The following KLF3 variants were observed in gnomAD, a reference collection of about 807,000 sequenced individuals.
KLF3 encodes KLF transcription factor 3.
In KLF3, 6 loss-of-function variants were observed where a neutral mutation model predicts 32.7. The ratio of observed to expected loss-of-function variants is 0.18; its 90% CI spans 0.10 to 0.36. The LOEUF is 0.36. Among genes scored for constraint, KLF3 ranks in the 10% least tolerant of loss-of-function variants. The pLI, the probability that KLF3 is intolerant of heterozygous loss-of-function variation, is 1.00. For synonymous variants in KLF3, 145 were observed against 172.8 expected, an observed-to-expected ratio of 0.84 and a Z score of 1.26; for missense variants, 338 against 449.7, an observed-to-expected ratio of 0.75 and a Z score of 2.25.
At chr4:38,691,506 C>T (rs935995992) in intron 4 of KLF3, among the ~76,000 whole-genome samples, 3 of 152,108 alleles carry the variant, frequency 2.0e-5, no homozygotes, top group African/African-American at 7.2e-5. Flanking sequence ...GGGAGGGATC[C>T]GTTGACTGGA....
chr4:38,689,218 C>A, intron 3 of KLF3, 147 bp downstream of exon 3: 1 of 1,002,540 alleles, frequency 1.0e-6, no homozygotes, highest in Non-Finnish European at 1.4e-6. Flanking sequence ...CTTCCCCCGC[C>A]CCCCCAAAGT....
chr4:38,682,767 G>T (rs1183581694), intron 2 of KLF3, among the ~76,000 whole-genome samples: 3 of 152,176 alleles, frequency 2.0e-5, no homozygotes, highest in African/African-American at 7.2e-5. Context: ...TTGTAACGTA[G>T]TAATACATGA....
In KLF3 at chr4:38,698,583, A is replaced by G. The variant is rs1723116898; in HGVS notation, c.*1320A>G. ...AAAACCACAGATCAGGGATTCATAT[A>G]TGTAGCTCAAAAATTCCCAAAAGTT... is the stretch of plus-strand genomic sequence containing the variant. On this transcript the variant is annotated 3_prime_UTR_variant, in exon 6 of 6. Coordinates refer to ENST00000261438, the MANE Select transcript of KLF3 (RefSeq NM_016531.6). 1.3e-5 allele frequency: 2 copies of G among 152,616 alleles called. No individual in the cohort carries two copies. Among genetic ancestry groups the G allele is most frequent in the African/African-American group, 2.4e-5 (1 of 41,470 alleles). The allele number at this position is 152,616 out of a possible 1,614,324, so 9.5% of individuals were successfully genotyped here. A position where few individuals can be genotyped will look rare whatever the true frequency, so the allele number is the denominator to read the frequency against.
At position 38,688,854 on chromosome 4, in the gene KLF3, C is replaced by T; in HGVS notation, c.327C>T (p.Pro109=). 6.2e-7 allele frequency: 1 copy of T among 1,614,232 alleles called. No homozygotes were observed. Among genetic ancestry groups the T allele is most frequent in the Non-Finnish European group, 8.5e-7 (1 of 1,180,036 alleles). The change falls in exon 3 of 6, where the codon CCC becomes CCT. Residue 109 remains proline (P), a synonymous_variant. Coordinates refer to ENST00000261438, the MANE Select transcript of KLF3 (RefSeq NM_016531.6). The surrounding 1 kb of genome is among the most constrained non-coding windows in gnomAD (Gnocchi z 4.9). ...GCCCACCGATAAAAAAATACTCACC[C>T]CCTTCTCCAGGCGTGCAGCCCTTCG... ...SSSPPIKKYS[P]PSPGVQPFGV...
At chr4:38,675,394 C>G (rs968427437) in intron 1 of KLF3, among the ~76,000 whole-genome samples, 4 of 152,032 alleles carry the variant, frequency 2.6e-5, no homozygotes, top group Non-Finnish European at 5.9e-5. Flanking sequence ...TGCCCTTCCC[C>G]CCCCTTTTGG....
intron 4 of KLF3, chr4:38,690,215 T>G (rs1722834750): frequency 8.4e-6 from 2 of 239,282 alleles, no homozygotes; most frequent in Admixed American, 1.1e-4. Flanking sequence ...AATCCTTGTA[T>G]AGATTAAACT....
At chr4:38,666,485 A>G (rs1003762129) in intron 1 of KLF3, among the ~76,000 whole-genome samples, 3 of 152,126 alleles carry the variant, frequency 2.0e-5, no homozygotes, top group Non-Finnish European at 4.4e-5. Context: ...CTAACAAAGT[A>G]AAGAGAAATA....
At chr4:38,696,379 A>C (rs1160572132) in intron 5 of KLF3, among the ~76,000 whole-genome samples, 1 of 152,034 alleles carries the variant, frequency 6.6e-6, no homozygotes, top group Non-Finnish European at 1.5e-5. Flanking sequence ...AAAAGGTAAG[A>C]TTGCCATAAC....
chr4:38,666,176 T>A (rs1344688405), intron 1 of KLF3, among the ~76,000 whole-genome samples: 2 of 152,190 alleles, frequency 1.3e-5, no homozygotes, highest in African/African-American at 2.4e-5. Context: ...TAAAGAACAT[T>A]TAGCTTGCAT....
chr4:38,686,233 C>T (rs1052878410), intron 2 of KLF3, among the ~76,000 whole-genome samples: 1 of 151,562 alleles, frequency 6.6e-6, no homozygotes, highest in Non-Finnish European at 1.5e-5. Context: ...TCACTTGAGC[C>T]CAAGAGTACG....
rs1296917853 is a variant in KLF3 at position 38,698,754 on chromosome 4, C to T, written c.*1491C>T. ...GCTTTTGAGCACCATAGTCTAAATG[C>T]CAATAAAAATAATTCATACATAGAA... On this transcript the variant is annotated 3_prime_UTR_variant, in exon 6 of 6. Coordinates refer to ENST00000261438, the MANE Select transcript of KLF3 (RefSeq NM_016531.6). 1 of 151,994 alleles carries T rather than the reference C, an allele frequency of 6.6e-6. No individual in the cohort carries two copies. Among genetic ancestry groups the T allele is most frequent in the Non-Finnish European group, 1.5e-5 (1 of 67,992 alleles). 9.4% of individuals were successfully genotyped at this position (151,994 alleles called of 1,614,324 possible). A position where few individuals can be genotyped will look rare whatever the true frequency, so the allele number is the denominator to read the frequency against.
At chr4:38,685,618 A>G (rs1722670864) in intron 2 of KLF3, among the ~76,000 whole-genome samples, 1 of 152,140 alleles carries the variant, frequency 6.6e-6, no homozygotes, top group Non-Finnish European at 1.5e-5. Context: ...CTGTGTCCTC[A>G]TTTTGCTTCC....
chr4:38,667,188 A>C (rs1222357531), intron 1 of KLF3, among the ~76,000 whole-genome samples: 1 of 152,198 alleles, frequency 6.6e-6, no homozygotes. Context: ...CCAGCTGCTC[A>C]TGAATATAGG....
chr4:38,691,102 C>T (rs375528494), intron 4 of KLF3, among the ~76,000 whole-genome samples: 40 of 152,272 alleles, frequency 2.6e-4, no homozygotes, highest in African/African-American at 7.0e-4. Context: ...CAAAAAAAAC[C>T]TTCCCAGGTG....
chr4:38,684,612 A>G (rs1579125974), intron 2 of KLF3, among the ~76,000 whole-genome samples: 1 of 144,740 alleles, frequency 6.9e-6, no homozygotes, highest in South Asian at 2.2e-4. Context: ...CCAGGCTGGA[A>G]TGCAGTAGCA....
chr4:38,688,760 C>T lies in KLF3; in HGVS notation c.233C>T (p.Ser78Leu), dbSNP rs369311053. 14 of 1,614,074 alleles carry T rather than the reference C, an allele frequency of 8.7e-6. No homozygotes were observed. In the Admixed American group the frequency reaches 1.2e-4, roughly 13 times the overall value. The change falls in exon 3 of 6, where the codon TCG becomes TTG. Residue 78 changes from serine to leucine, a missense_variant. Around this residue, in one of 2 missense-constraint regions of KLF3, gnomAD observed 272 missense variants for 313.4 expected, o/e 0.87. Coordinates refer to ENST00000261438, the MANE Select transcript of KLF3 (RefSeq NM_016531.6). This position sits in a 1 kb window ranked among gnomAD's most constrained non-coding sequence, Gnocchi z 4.9. The stretch of plus-strand genomic sequence containing the variant: ...AGTTCACCCCCTTCGGCTGGGAATT[C>T]GCCCTCCTCTCTGAAGTTCCCGTCC... ...KRSSPPSAGN[S>L]PSSLKFPSSH...
chr4:38,678,383 C>T (rs903605717), intron 1 of KLF3, among the ~76,000 whole-genome samples: 1 of 152,168 alleles, frequency 6.6e-6, no homozygotes, highest in Non-Finnish European at 1.5e-5. Context: ...TCCCTCATTA[C>T]GAAATCATCT....
chr4:38,699,568 A>G lies in KLF3; in HGVS notation c.*2305A>G, dbSNP rs1723144543. 6.6e-6 allele frequency: 1 copy of G among 152,252 alleles called. No homozygotes were observed. Among genetic ancestry groups the G allele is most frequent in the African/African-American group, 2.4e-5 (1 of 41,464 alleles). 9.4% of individuals were successfully genotyped at this position (152,252 alleles called of 1,614,324 possible). On this transcript the variant is annotated 3_prime_UTR_variant, in exon 6 of 6. Coordinates refer to ENST00000261438, the MANE Select transcript of KLF3 (RefSeq NM_016531.6). The stretch of plus-strand genomic sequence containing the variant: ...ATCAGCTTTGAGCCTGAGTTCAGTG[A>G]ATAGCCTCATGGGCATCTCATGGAA...
chr4:38,698,991 G>T lies in KLF3; in HGVS notation c.*1728G>T, dbSNP rs1010487741. The T allele has an allele frequency of 6.6e-6, 1 of 152,166 alleles. No homozygotes were observed. The highest frequency in any genetic ancestry group is 2.4e-5 in the African/African-American group (1 of 41,436). The allele number at this position is 152,166 out of a possible 1,614,324, so 9.4% of individuals were successfully genotyped here. A position where few individuals can be genotyped will look rare whatever the true frequency, so the allele number is the denominator to read the frequency against. On this transcript the variant is annotated 3_prime_UTR_variant, in exon 6 of 6. Coordinates refer to ENST00000261438, the MANE Select transcript of KLF3 (RefSeq NM_016531.6). ...AAAACATCTGTGAATGAGTGATTCC[G>T]GAGGCCTGTGAATTGTGTGGGGAGC...
Sources: gnomAD v4.1 joint callset for allele counts (sites outside exome capture counted in the v4.1 genomes callset) on GRCh38, gnomAD v4.1.1 for gene constraint, gnomAD v4.1.1 regional missense constraint, Gnocchi (gnomAD v3.1) non-coding constraint, MANE v1.5 for transcripts, NCBI Gene and HGNC (gene_info 2026-07-23, HGNC 2026-07-21) for gene names.